Variants in TMPRSS11E observed in about 807,000 individuals in gnomAD.
TMPRSS11E encodes the protein transmembrane serine protease 11E.
Under a neutral mutation model 48.1 loss-of-function variants are expected in TMPRSS11E, and 38 were observed. The observed-to-expected ratio is 0.79, with a 90% confidence interval of 0.61 to 1.04. The LOEUF is 1.04. Ranked by LOEUF, TMPRSS11E falls within the 50% of genes least tolerant of loss-of-function variation. The pLI is 0.00. For synonymous variants in TMPRSS11E, 158 were observed against 171.9 expected, an observed-to-expected ratio of 0.92 and a Z score of 0.63; for missense variants, 530 against 510.8, an observed-to-expected ratio of 1.04 and a Z score of -0.36.
intron 6 of TMPRSS11E, among the ~76,000 whole-genome samples, chr4:68,475,108 A>G (rs556175344): frequency 6.6e-6 from 1 of 152,274 alleles, no homozygotes; most frequent in South Asian, 2.1e-4. Context: ...TTTTTCAGCT[A>G]GAGGCAGAAA....
At chr4:68,493,412 A>T (rs768305280) in intron 9 of TMPRSS11E, among the ~76,000 whole-genome samples, 5 of 152,130 alleles carry the variant, frequency 3.3e-5, no homozygotes, top group Non-Finnish European at 7.4e-5. Context: ...GAGAAGCCAA[A>T]TTTGCCCTAT....
intron 1 of TMPRSS11E, among the ~76,000 whole-genome samples, chr4:68,451,343 G>C (rs1245119385): frequency 3.3e-5 from 5 of 151,894 alleles, no homozygotes; most frequent in Admixed American, 2.6e-4. Flanking sequence ...GGACTAGAGA[G>C]AAGGAAGGTT....
intron 7 of TMPRSS11E, 42 bp from the exon 8 acceptor site, chr4:68,477,327 G>A (rs759486740): frequency 6.4e-7 from 1 of 1,553,018 alleles, no homozygotes; most frequent in South Asian, 1.2e-5. Flanking sequence ...TCGACTGGTA[G>A]CATGGTAAAA....
chr4:68,447,934 AT>A (rs1162658953), intron 1 of TMPRSS11E, among the ~76,000 whole-genome samples: 1 of 144,196 alleles, frequency 6.9e-6, no homozygotes, highest in African/African-American at 2.9e-5. Context: ...GCAGAAAAAA[AT>A]GTTTATTTCT....
intron 1 of TMPRSS11E, among the ~76,000 whole-genome samples, chr4:68,455,231 G>C (rs1728597061): frequency 6.6e-6 from 1 of 151,934 alleles, no homozygotes; most frequent in African/African-American, 2.4e-5. Context: ...AAAATTGCCT[G>C]AAGTCTGATT....
intron 2 of TMPRSS11E, among the ~76,000 whole-genome samples, chr4:68,465,807 T>C (rs1728912198): frequency 6.6e-6 from 1 of 152,202 alleles, no homozygotes; most frequent in South Asian, 2.1e-4. Flanking sequence ...ACACAGTGTC[T>C]CTTCCTGAAA....
chr4:68,450,669 G>A (rs1728473074), intron 1 of TMPRSS11E, among the ~76,000 whole-genome samples: 1 of 151,880 alleles, frequency 6.6e-6, no homozygotes, highest in Non-Finnish European at 1.5e-5. Flanking sequence ...AAGTGTGGAG[G>A]TGTAATTTTA....
chr4:68,455,591 A>G (rs1289852320), intron 1 of TMPRSS11E, among the ~76,000 whole-genome samples: 4 of 151,956 alleles, frequency 2.6e-5, no homozygotes, highest in African/African-American at 9.7e-5. Context: ...AGACAGCTAA[A>G]ATTTTAAAAA....
intron 1 of TMPRSS11E, among the ~76,000 whole-genome samples, chr4:68,448,635 T>C (rs529769853): frequency 1.1e-4 from 17 of 151,990 alleles, no homozygotes; most frequent in African/African-American, 3.6e-4. Context: ...GGCGGTATAA[T>C]GTGGGAATAC....
At chr4:68,449,494 C>G (rs111301957) in intron 1 of TMPRSS11E, among the ~76,000 whole-genome samples, 143,490 of 151,624 alleles carry the variant, frequency 0.95, 68,372 homozygotes, top group Non-Finnish European at 1. Flanking sequence ...ATTCAAATGA[C>G]ACAAAATGGA....
chr4:68,478,434 G>A (rs974153067), intron 8 of TMPRSS11E, among the ~76,000 whole-genome samples: 3 of 133,406 alleles, frequency 2.2e-5, no homozygotes, highest in African/African-American at 5.6e-5. Flanking sequence ...GTAAGCCACC[G>A]CACCCGGTAT....
At chr4:68,474,241 A>G (rs1162383255) in intron 5 of TMPRSS11E, among the ~76,000 whole-genome samples, 5 of 152,096 alleles carry the variant, frequency 3.3e-5, no homozygotes, top group East Asian at 1.9e-4. Flanking sequence ...AGTGAGTACA[A>G]ATTTATGGAG....
intron 9 of TMPRSS11E, among the ~76,000 whole-genome samples, chr4:68,495,276 G>C (rs915094672): frequency 1.3e-5 from 2 of 151,554 alleles, no homozygotes; most frequent in Non-Finnish European, 2.9e-5. Flanking sequence ...TTTACTATTT[G>C]TATACTGCTA....
intron 1 of TMPRSS11E, among the ~76,000 whole-genome samples, chr4:68,458,375 T>TA (rs1199712560): frequency 7.9e-5 from 12 of 152,178 alleles, no homozygotes; most frequent in Non-Finnish European, 1.3e-4. Context: ...CTTTAACTGT[T>TA]ATATTCACTT....
intron 8 of TMPRSS11E, among the ~76,000 whole-genome samples, chr4:68,478,147 ATC>A (rs1553916577): frequency 1.1e-5 from 1 of 90,532 alleles, no homozygotes. Flanking sequence ...CTGTATCACT[ATC>A]TTTTTTTTTT....
Position 68,496,908 on chromosome 4 carries a change from T to G in TMPRSS11E, c.*104T>G, listed in dbSNP as rs574980932. The G allele has an allele frequency of 8.6e-7, 1 of 1,157,504 alleles. No homozygotes were observed. The highest frequency in any genetic ancestry group is 1.5e-5 in the South Asian group (1 of 66,838). The allele number at this position is 1,157,504 out of a possible 1,614,324, so 71.7% of individuals were successfully genotyped here. A position where few individuals can be genotyped will look rare whatever the true frequency, so the allele number is the denominator to read the frequency against. On this transcript the variant is annotated 3_prime_UTR_variant, in exon 10 of 10. Coordinates refer to ENST00000305363, the MANE Select transcript of TMPRSS11E (RefSeq NM_014058.4). ...GGAGAAGACTTGCAAAACAGCTAGA[T>G]TTGACTGATCTCAATAAACTGTTTG...
chr4:68,493,025 T>A (rs1729772725), intron 9 of TMPRSS11E, among the ~76,000 whole-genome samples: 1 of 152,204 alleles, frequency 6.6e-6, no homozygotes, highest in African/African-American at 2.4e-5. Flanking sequence ...TTTATTCAAC[T>A]ATCTCGGTTT....
At chr4:68,450,171 C>G (rs138279549) in intron 1 of TMPRSS11E, among the ~76,000 whole-genome samples, 1 of 151,846 alleles carries the variant, frequency 6.6e-6, no homozygotes, top group African/African-American at 2.4e-5. Flanking sequence ...CATGTGCTCA[C>G]ACTTCTCCTT....
intron 8 of TMPRSS11E, 104 bp from the exon 9 acceptor site, chr4:68,478,745 G>A (rs921803822): frequency 1.2e-5 from 15 of 1,274,924 alleles, no homozygotes; most frequent in Admixed American, 2.0e-5. Flanking sequence ...GTTAGTCACC[G>A]TGCCTGGCCT....
Sources: gnomAD v4.1 joint callset for allele counts (sites outside exome capture counted in the v4.1 genomes callset) on GRCh38, gnomAD v4.1.1 for gene constraint, MANE v1.5 for transcripts, NCBI Gene and HGNC (gene_info 2026-07-23, HGNC 2026-07-21) for gene names.